Variants in POU2F3 observed in about 807,000 individuals in gnomAD.
The protein encoded by POU2F3 is POU class 2 homeobox 3, also known as POU domain, class 2, transcription factor 3.
Under a neutral mutation model 59.2 loss-of-function variants are expected in POU2F3, and 23 were observed. The observed-to-expected ratio is 0.39, with a 90% CI of 0.28 to 0.55. The LOEUF is 0.55. Ranked by LOEUF, POU2F3 falls within the 20% of genes least tolerant of loss-of-function variation. The pLI is 0.66. For synonymous variants in POU2F3, 190 were observed against 214.6 expected (o/e 0.89, Z 1.00); for missense variants, 473 against 544.5 (o/e 0.87, Z 1.31).
chr11:120,238,258 A>T (rs977743700), upstream of POU2F3, among the ~76,000 whole-genome samples: 1 of 152,106 alleles, frequency 6.6e-6, no homozygotes, highest in Non-Finnish European at 1.5e-5. Context: ...AAAAAGAAAA[A>T]GAAGCAAGAA....
chr11:120,269,269 C>T (rs765868939), intron 3 of POU2F3, 25 bp downstream of exon 3: 13 of 1,558,240 alleles, frequency 8.3e-6, no homozygotes, highest in African/African-American at 4.1e-5. Context: ...CAGAAAGAAA[C>T]GTTTATTCTA....
chr11:120,306,803 T>C (rs555402049), intron 8 of POU2F3, among the ~76,000 whole-genome samples: 48 of 152,066 alleles, frequency 3.2e-4, no homozygotes, highest in African/African-American at 1.2e-3. Flanking sequence ...GGCAGGAAGC[T>C]CCCCCTACAG....
intron 1 of POU2F3, among the ~76,000 whole-genome samples, chr11:120,240,929 TC>T (rs1938637444): frequency 1.3e-5 from 2 of 152,086 alleles, no homozygotes; most frequent in South Asian, 4.1e-4. Flanking sequence ...GACAGACACA[TC>T]CTCTGGGTTC....
At position 120,240,279 on chromosome 11, in the gene POU2F3, G is replaced by T. The variant is rs970044093; in HGVS notation, c.-65G>T. 5.5e-6 allele frequency: 7 copies of T among 1,274,952 alleles called. No individual in the cohort carries two copies. In the Admixed American group the frequency reaches 1.6e-4, roughly 30 times the overall value. The allele number at this position is 1,274,952 out of a possible 1,614,324, so 79.0% of individuals were successfully genotyped here. A position where few individuals can be genotyped will look rare whatever the true frequency, so the allele number is the denominator to read the frequency against. ...AGGAAGGAGACCCTGGCTTCGCAGG[G>T]GCCCCGGCTGGGGCAGAGGCGAGGG... is the stretch of plus-strand genomic sequence containing the variant. On this transcript the variant is annotated 5_prime_UTR_variant, in exon 1 of 13. Coordinates refer to ENST00000543440, the MANE Select transcript of POU2F3 (RefSeq NM_014352.4).
At chr11:120,253,143 G>A (rs542999196) in intron 2 of POU2F3, among the ~76,000 whole-genome samples, 2 of 152,240 alleles carry the variant, frequency 1.3e-5, no homozygotes, top group South Asian at 2.1e-4. Context: ...CAGACCTACT[G>A]TGCCCGACAG....
At chr11:120,312,589 C>T (rs1420355080) in intron 10 of POU2F3, among the ~76,000 whole-genome samples, 2 of 152,170 alleles carry the variant, frequency 1.3e-5, no homozygotes, top group African/African-American at 2.4e-5. Flanking sequence ...GATCATTGAA[C>T]ATGTTAAGTT....
intron 3 of POU2F3, among the ~76,000 whole-genome samples, chr11:120,281,717 G>T (rs1278261439): frequency 6.6e-6 from 1 of 152,088 alleles, no homozygotes; most frequent in African/African-American, 2.4e-5. Context: ...GGGTGTCCCT[G>T]GTTCCAGTCC....
At chr11:120,306,989 G>T (rs374069471) in intron 8 of POU2F3, among the ~76,000 whole-genome samples, 2 of 152,174 alleles carry the variant, frequency 1.3e-5, no homozygotes, top group Non-Finnish European at 2.9e-5. Context: ...ATTTGCACTG[G>T]CAGGAAAATG....
intron 2 of POU2F3, among the ~76,000 whole-genome samples, chr11:120,246,989 G>T (rs1246516489): frequency 6.6e-6 from 1 of 152,186 alleles, no homozygotes; most frequent in Admixed American, 6.5e-5. Flanking sequence ...GGTGCCTGGA[G>T]GTGACTTTGC....
intron 6 of POU2F3, chr11:120,303,208 C>CT (rs200148467): frequency 0.11 from 16,967 of 152,252 alleles, 1,207 homozygotes; most frequent in African/African-American, 0.18. Flanking sequence ...AGCTCGCCAT[C>CT]TAGTGGTTGA....
chr11:120,267,899 T>C (rs1939902559), intron 2 of POU2F3, among the ~76,000 whole-genome samples: 1 of 142,810 alleles, frequency 7.0e-6, no homozygotes, highest in African/African-American at 2.7e-5. Flanking sequence ...CTTGCTGTTA[T>C]AGAACCAATA....
At position 120,299,875 on chromosome 11, in the gene POU2F3, C is replaced by T. The variant is rs1015394246; in HGVS notation, c.361+149C>T. The T allele has an allele frequency of 4.7e-6, 3 of 633,622 alleles. No individual in the cohort carries two copies. The African/African-American group carries it at 5.5e-5, about 12-fold the overall frequency. 39.2% of individuals were successfully genotyped at this position (633,622 alleles called of 1,614,324 possible). A position where few individuals can be genotyped will look rare whatever the true frequency, so the allele number is the denominator to read the frequency against. ...AAGACCTACTTATCCACCCCAGGGT[C>T]TGAGGAAGGGACCCTGGCAATGCTC... On this transcript the variant is annotated intron_variant, in intron 5 of 12. Transcript: ENST00000543440.
At chr11:120,268,525 T>C (rs1225133706) in intron 2 of POU2F3, among the ~76,000 whole-genome samples, 2 of 152,092 alleles carry the variant, frequency 1.3e-5, no homozygotes, top group Non-Finnish European at 2.9e-5. Context: ...GTATTTTTAG[T>C]AGCAATGGGG....
intron 3 of POU2F3, among the ~76,000 whole-genome samples, chr11:120,270,055 G>A (rs1040295232): frequency 2.0e-5 from 3 of 151,944 alleles, no homozygotes; most frequent in Admixed American, 2.0e-4. Flanking sequence ...TGAGGGAGAG[G>A]GGTAAGAATT....
In POU2F3 at chr11:120,307,533, G is replaced by A; in HGVS notation, c.824G>A (p.Ser275Asn). 2 of 1,614,168 alleles carry A rather than the reference G, an allele frequency of 1.2e-6. No individual in the cohort carries two copies. The highest frequency in any genetic ancestry group is 1.7e-6 in the Non-Finnish European group (2 of 1,180,022). Residue 275 changes from serine (S) to asparagine (N), a missense_variant, in exon 9 of 13, where the codon AGT becomes AAT. Coordinates refer to ENST00000543440, the MANE Select transcript of POU2F3 (RefSeq NM_014352.4). ...VSTPSSYPSLSEVFGRKRKKR... is the reference protein window; with the variant it reads ...VSTPSSYPSLNEVFGRKRKKR... ...ACGCCCAGCTCCTACCCCAGCCTCA[G>A]TGAAGTATTTGGTAGGAAGAGAAAG...
In POU2F3 at chr11:120,306,696, T is replaced by C. The variant is rs190114992; in HGVS notation, c.770-783T>C. On this transcript the variant is annotated intron_variant, in intron 8 of 12. Transcript: ENST00000543440. ...CTGGGCTCTATTCAGTCGATTCATATGGATTCGTGGTTACACTGGAGAGGG... is the reference window on the plus strand; with the variant it reads ...CTGGGCTCTATTCAGTCGATTCATACGGATTCGTGGTTACACTGGAGAGGG... Among the ~76,000 whole-genome samples the C allele has an allele frequency of 5.5e-4, 84 of 152,188 alleles. 1 individual carries two copies. The East Asian group carries it at 0.012, about 22-fold the overall frequency.
chr11:120,260,663 G>A (rs78160609), intron 2 of POU2F3, among the ~76,000 whole-genome samples: 7,125 of 152,218 alleles, frequency 0.047, 338 homozygotes, highest in South Asian at 0.2. Context: ...GCTTCTCACT[G>A]GGAGCTGTTT....
intron 2 of POU2F3, among the ~76,000 whole-genome samples, chr11:120,265,011 T>C (rs1939767444): frequency 6.6e-6 from 1 of 152,206 alleles, no homozygotes; most frequent in Admixed American, 6.5e-5. Context: ...TCTGGAGCAT[T>C]GGGGCCACAG....
At chr11:120,281,495 A>C (rs1216111146) in intron 3 of POU2F3, among the ~76,000 whole-genome samples, 1 of 151,680 alleles carries the variant, frequency 6.6e-6, no homozygotes. Flanking sequence ...CGCTGCCTTC[A>C]TGGCCCCCAT....
Sources: allele counts gnomAD v4.1 joint callset (sites outside exome capture counted in the v4.1 genomes callset), GRCh38; gene constraint gnomAD v4.1.1; transcripts MANE v1.5; gene names NCBI Gene and HGNC (gene_info 2026-07-23, HGNC 2026-07-21).